The following MLLT10 variants were observed in gnomAD, a reference collection of about 807,000 sequenced individuals.
MLLT10 encodes the protein protein AF-10.
In MLLT10, 30 loss-of-function variants were observed where a neutral mutation model predicts 129.1. That is an observed-to-expected ratio of 0.23 (90% CI 0.17 to 0.32). The LOEUF (loss-of-function observed/expected upper bound fraction) is 0.32, where lower values mean the gene tolerates loss of function less well. Ranked by LOEUF, MLLT10 falls within the 10% of genes least tolerant of loss-of-function variation. MLLT10 has a pLI of 1.00. For missense variants in MLLT10, 1,119 were observed against 1,268.3 expected (o/e 0.88, Z 1.79); for synonymous variants, 490 against 446.4 (o/e 1.10, Z -1.23).
rs761084976 is a variant in MLLT10, at chr10:21,733,763, G to C, written c.2497-5G>C. The C allele has an allele frequency of 6.2e-7, 1 of 1,606,182 alleles. No individual in the cohort carries two copies. Among genetic ancestry groups the C allele is most frequent in the Non-Finnish European group, 8.5e-7 (1 of 1,176,046 alleles). On this transcript the variant is annotated splice_polypyrimidine_tract_variant and splice_region_variant and intron_variant, in intron 19 of 22. Transcript: ENST00000307729. ...GGACTTAGTTTCTCTTCTTTCTTAC[G>C]CTAGGACTTAACCTCCAGTGGACAA... is the stretch of plus-strand genomic sequence containing the variant.
intron 3 of MLLT10, among the ~76,000 whole-genome samples, chr10:21,557,421 A>T (rs886426876): frequency 5.3e-5 from 8 of 152,168 alleles, no homozygotes; most frequent in African/African-American, 1.9e-4. Context: ...CTCCTTTTTG[A>T]TAGATCTGTG....
chr10:21,683,671 T>A (rs2052979901), intron 13 of MLLT10, among the ~76,000 whole-genome samples: 1 of 152,096 alleles, frequency 6.6e-6, no homozygotes, highest in Non-Finnish European at 1.5e-5. Context: ...GCTGGAAAAA[T>A]TTGTACAGTA....
At chr10:21,555,999 G>A (rs555390333) in intron 3 of MLLT10, among the ~76,000 whole-genome samples, 44 of 146,238 alleles carry the variant, frequency 3.0e-4, no homozygotes, top group African/African-American at 1.1e-3. Flanking sequence ...TTTTGGACAC[G>A]GAGTCTCGCT....
At chr10:21,681,923 C>T (rs544246585) in intron 12 of MLLT10, among the ~76,000 whole-genome samples, 2 of 152,244 alleles carry the variant, frequency 1.3e-5, no homozygotes, top group South Asian at 4.1e-4. Flanking sequence ...ATTACGTTGA[C>T]ATAAATGTCT....
intron 3 of MLLT10, among the ~76,000 whole-genome samples, chr10:21,566,214 CA>C (rs2039538365): frequency 1.3e-5 from 2 of 151,838 alleles, no homozygotes; most frequent in African/African-American, 4.8e-5. Context: ...CTAGGCCTCC[CA>C]AAGTGCTGGG....
chr10:21,655,190 A>G (rs1304517638), intron 9 of MLLT10, among the ~76,000 whole-genome samples: 2 of 152,230 alleles, frequency 1.3e-5, no homozygotes, highest in Non-Finnish European at 2.9e-5. Flanking sequence ...GTCAAGGAAC[A>G]GAGAGACTGG....
At chr10:21,715,184 C>A (rs200213450) in intron 14 of MLLT10, among the ~76,000 whole-genome samples, 1 of 152,078 alleles carries the variant, frequency 6.6e-6, no homozygotes, top group Non-Finnish European at 1.5e-5. Flanking sequence ...TACGCTTTTC[C>A]GGCAAGCACA....
intron 21 of MLLT10, chr10:21,738,501 T>A (rs938300681): frequency 1.6e-6 from 2 of 1,288,216 alleles, no homozygotes; most frequent in Non-Finnish European, 2.0e-6. Context: ...TACTTTTTCC[T>A]TCATCTGCCA....
intron 5 of MLLT10, among the ~76,000 whole-genome samples, chr10:21,610,984 C>CTTTTTTTTTTTTTTTTT (rs71393913): frequency 3.9e-5 from 4 of 102,886 alleles, no homozygotes; most frequent in Non-Finnish European, 5.8e-5. Flanking sequence ...TCTTTTTTCT[C>CTTTTTTTTTTTTTTTTT]TTTTTTTTTT....
At chr10:21,601,615 G>T (rs1336581800) in intron 5 of MLLT10, among the ~76,000 whole-genome samples, 9 of 152,050 alleles carry the variant, frequency 5.9e-5, no homozygotes, top group Non-Finnish European at 1.2e-4. Context: ...GCCTCAAACT[G>T]CTGGCCTCAA....
chr10:21,714,442 T>C (rs560556322), intron 14 of MLLT10, among the ~76,000 whole-genome samples: 4 of 152,368 alleles, frequency 2.6e-5, no homozygotes, highest in South Asian at 2.1e-4. Flanking sequence ...ACAGTGTTTG[T>C]AAATAATGAT....
intron 3 of MLLT10, among the ~76,000 whole-genome samples, chr10:21,545,598 A>C (rs552850651): frequency 6.6e-6 from 1 of 152,318 alleles, no homozygotes; most frequent in African/African-American, 2.4e-5. Flanking sequence ...TTGTAGATAG[A>C]CATTGATTGT....
intron 13 of MLLT10, among the ~76,000 whole-genome samples, chr10:21,690,284 A>C (rs2053728225): frequency 6.6e-6 from 1 of 152,116 alleles, no homozygotes; most frequent in Non-Finnish European, 1.5e-5. Context: ...ATGTAGAAAA[A>C]TTAAGTTTGA....
intron 2 of MLLT10, among the ~76,000 whole-genome samples, chr10:21,536,233 G>A (rs545409755): frequency 1.3e-5 from 2 of 152,272 alleles, no homozygotes; most frequent in South Asian, 2.1e-4. Context: ...CAGCCACTGC[G>A]CCTGGCCCTA....
At chr10:21,719,088 C>T (rs2056956388) in intron 14 of MLLT10, among the ~76,000 whole-genome samples, 1 of 152,186 alleles carries the variant, frequency 6.6e-6, no homozygotes, top group Non-Finnish European at 1.5e-5. Context: ...ACACTTTCAT[C>T]TCAATTAGCT....
At chr10:21,698,747 C>CT (rs2131463215) in intron 13 of MLLT10, among the ~76,000 whole-genome samples, 1 of 152,282 alleles carries the variant, frequency 6.6e-6, no homozygotes, top group South Asian at 2.1e-4. Context: ...TCATTTTTGT[C>CT]TTTCTAATCA....
At position 21,740,137 on chromosome 10, in the gene MLLT10, A is replaced by T; in HGVS notation, c.3063A>T (p.Ile1021=). The T allele has an allele frequency of 6.2e-7, 1 of 1,614,156 alleles. No homozygotes were observed. Among genetic ancestry groups the T allele is most frequent in the South Asian group, 1.1e-5 (1 of 91,084 alleles). ...TCCCTGGACCAACACAAATACCCAT[A>T]AACAACCTTCTTGCAGGTACACAGG... ...LQIPGPTQIP[I]NNLLAGTQAP... Residue 1021 remains isoleucine, a synonymous_variant, in exon 22 of 23, where the codon ATA becomes ATT. Coordinates refer to ENST00000307729, the MANE Select transcript of MLLT10 (RefSeq NM_001195626.3).
intron 2 of MLLT10, among the ~76,000 whole-genome samples, chr10:21,536,079 A>G (rs1020471453): frequency 6.6e-6 from 1 of 152,174 alleles, no homozygotes; most frequent in African/African-American, 2.4e-5. Flanking sequence ...AGTAGCTGGG[A>G]TAACAAGCAC....
At chr10:21,660,871 CA>C (rs770411226) in intron 9 of MLLT10, among the ~76,000 whole-genome samples, 2,459 of 81,398 alleles carry the variant, frequency 0.03, 22 homozygotes, top group African/African-American at 0.072. Flanking sequence ...AACTCTGTCT[CA>C]AAAAAAAAAA....
Sources: gnomAD v4.1 joint callset for allele counts (sites outside exome capture counted in the v4.1 genomes callset) on GRCh38, gnomAD v4.1.1 for gene constraint, MANE v1.5 for transcripts, NCBI Gene and HGNC (gene_info 2026-07-23, HGNC 2026-07-21) for gene names.